TCF15: variants seen among roughly 807,000 people sequenced by gnomAD.
TCF15 encodes the protein TCF-15.
Under a neutral mutation model 11.1 loss-of-function variants are expected in TCF15, and 7 were observed. The observed-to-expected ratio is 0.63, with a 90% CI of 0.36 to 1.19. The LOEUF is 1.19. TCF15 is among the 50% of genes most tolerant of loss of function. The pLI is 0.02. For synonymous variants in TCF15, 144 were observed against 138.9 expected (o/e 1.04, Z -0.26); for missense variants, 288 against 289.4 (o/e 1.00, Z 0.03).
chr20:609,047 G>T lies in TCF15; in HGVS notation c.525+666C>A, dbSNP rs45601331. 6.6e-6 allele frequency among the ~76,000 whole-genome samples: 1 copy of T among 152,058 alleles called. No homozygotes were observed. The highest frequency in any genetic ancestry group is 1.5e-5 in the Non-Finnish European group (1 of 68,006). ...CCCTCTCCCAACACCACGTCCTTTTGGGGGCTGGGGACTCTCAGAGGGCCC... is the reference window on the plus strand; with the variant it reads ...CCCTCTCCCAACACCACGTCCTTTTTGGGGCTGGGGACTCTCAGAGGGCCC... On this transcript the variant is annotated intron_variant, in intron 1 of 1. Transcript: ENST00000246080. This position sits in a 1 kb window ranked among gnomAD's most constrained non-coding sequence, Gnocchi z 4.7.
At position 609,568 on chromosome 20, in the gene TCF15, G is replaced by A. The variant is rs2020004246; in HGVS notation, c.525+145C>T. The A allele has an allele frequency of 4.1e-6, 4 of 982,880 alleles. No homozygotes were observed. Among genetic ancestry groups the A allele is most frequent in the Non-Finnish European group, 5.3e-6 (4 of 750,662 alleles). The allele number at this position is 982,880 out of a possible 1,614,324, so 60.9% of individuals were successfully genotyped here. Reference sequence around the variant, plus strand: ...CTGGGCATTAAGTCAGTGGTTCTGGGCTTGGGGTGCCGCACCCAGCACGAA... The same window carrying A: ...CTGGGCATTAAGTCAGTGGTTCTGGACTTGGGGTGCCGCACCCAGCACGAA... On this transcript the variant is annotated intron_variant, in intron 1 of 1. Coordinates refer to ENST00000246080, the MANE Select transcript of TCF15 (RefSeq NM_004609.4). The surrounding 1 kb of genome is among the most constrained non-coding windows in gnomAD (Gnocchi z 4.7).
Position 609,627 on chromosome 20 carries a change from C to T in TCF15, c.525+86G>A. On this transcript the variant is annotated intron_variant, in intron 1 of 1. Coordinates refer to ENST00000246080, the MANE Select transcript of TCF15 (RefSeq NM_004609.4). This position sits in a 1 kb window ranked among gnomAD's most constrained non-coding sequence, Gnocchi z 4.7. ...CGCTTCCCCCTGGCCTCGTTGGGGA[C>T]CCCTGCACCTCTCCGGTTCCCGCAG... is the stretch of plus-strand genomic sequence containing the variant. 8.5e-6 allele frequency: 11 copies of T among 1,300,318 alleles called. No homozygotes were observed. The highest frequency in any genetic ancestry group is 9.7e-6 in the Non-Finnish European group (10 of 1,029,880). The allele number at this position is 1,300,318 out of a possible 1,614,324, so 80.5% of individuals were successfully genotyped here. A position where few individuals can be genotyped will look rare whatever the true frequency, so the allele number is the denominator to read the frequency against.
chr20:609,624 G>C lies in TCF15; in HGVS notation c.525+89C>G. On this transcript the variant is annotated intron_variant, in intron 1 of 1. Transcript: ENST00000246080. The surrounding 1 kb of genome is among the most constrained non-coding windows in gnomAD (Gnocchi z 4.7). ...CGTCGCTTCCCCCTGGCCTCGTTGG[G>C]GACCCCTGCACCTCTCCGGTTCCCG... is the stretch of plus-strand genomic sequence containing the variant. The C allele has an allele frequency of 7.8e-7, 1 of 1,286,396 alleles. No individual in the cohort carries two copies. The highest frequency in any genetic ancestry group is 2.5e-5 in the South Asian group (1 of 39,246). 79.7% of individuals were successfully genotyped at this position (1,286,396 alleles called of 1,614,324 possible).
Position 609,859 on chromosome 20 carries a change from C to T in TCF15, c.379G>A (p.Val127Met), listed in dbSNP as rs757598734. ...ASSYIAHLAN[V>M]LLLGDSADDG... ...TCGGCCGAGTCGCCCAGCAGCAGCA[C>T]GTTGGCCAGGTGCGCGATGTAGCTG... Residue 127 changes from valine (V) to methionine (M), a missense_variant, in exon 1 of 2, where the codon GTG (valine) becomes ATG (methionine). Val to Met is a conservative substitution (Grantham distance 21, BLOSUM62 1). Coordinates refer to ENST00000246080, the MANE Select transcript of TCF15 (RefSeq NM_004609.4). This position sits in a 1 kb window ranked among gnomAD's most constrained non-coding sequence, Gnocchi z 4.7. The T allele has an allele frequency of 9.8e-6, 15 of 1,528,906 alleles. No homozygotes were observed. In the South Asian group the frequency reaches 1.3e-4, roughly 14 times the overall value. 94.7% of individuals were successfully genotyped at this position (1,528,906 alleles called of 1,614,324 possible).
rs1237250449 is a variant in TCF15, at chr20:609,167, G to C, written c.525+546C>G. Among the ~76,000 whole-genome samples, 1 of 152,152 alleles carries C rather than the reference G, an allele frequency of 6.6e-6. No individual in the cohort carries two copies. The highest frequency in any genetic ancestry group is 1.5e-5 in the Non-Finnish European group (1 of 68,034). ...TTCTCAGTCTCCTGCTCTTGGGTTA[G>C]ATCTTAGGACAGGGGACAATTATTT... On this transcript the variant is annotated intron_variant, in intron 1 of 1. Coordinates refer to ENST00000246080, the MANE Select transcript of TCF15 (RefSeq NM_004609.4). This position sits in a 1 kb window ranked among gnomAD's most constrained non-coding sequence, Gnocchi z 4.7.
intron 1 of TCF15, among the ~76,000 whole-genome samples, chr20:606,614 C>T (rs1568616041): frequency 1.3e-5 from 2 of 152,120 alleles, no homozygotes; most frequent in Admixed American, 6.5e-5. Flanking sequence ...GCCAGGAGTT[C>T]GAGACCAGCC....
intron 1 of TCF15, among the ~76,000 whole-genome samples, chr20:607,072 G>A (rs2019981881): frequency 1.3e-5 from 2 of 152,274 alleles, no homozygotes; most frequent in African/African-American, 4.8e-5. Context: ...GTAAAGCCTT[G>A]GCACAGTGTT....
rs895290336 is a variant in TCF15, at chr20:605,884, G to A, written c.526-1219C>T. Among the ~76,000 whole-genome samples, 3 of 152,260 alleles carry A rather than the reference G, an allele frequency of 2.0e-5. No homozygotes were observed. In the East Asian group the frequency reaches 5.8e-4, roughly 29 times the overall value. ...ACCCAGCCAGTTGTAAAAGAGCTGG[G>A]CTAGAAATCTATGTTGTCCAACAAT... On this transcript the variant is annotated intron_variant, in intron 1 of 1. Transcript: ENST00000246080.
chr20:606,592 G>A (rs960788815), intron 1 of TCF15, among the ~76,000 whole-genome samples: 5 of 152,118 alleles, frequency 3.3e-5, no homozygotes, highest in African/African-American at 7.2e-5. Context: ...CGAGGCAGGC[G>A]GATCACCTGA....
intron 1 of TCF15, among the ~76,000 whole-genome samples, chr20:605,328 C>T (rs933818823): frequency 1.5e-4 from 23 of 152,246 alleles, no homozygotes; most frequent in African/African-American, 5.5e-4. Flanking sequence ...CTCACTCGTC[C>T]ACCTTTAAAA....
chr20:609,917 CT>C lies in TCF15; in HGVS notation c.320del (p.Lys107SerfsTer80). On this transcript the variant is annotated frameshift_variant, in exon 1 of 2. Transcript: ENST00000246080. LOFTEE classifies it high-confidence loss of function. This position sits in a 1 kb window ranked among gnomAD's most constrained non-coding sequence, Gnocchi z 4.7. ...TLIPTEPVDR[K>X]LSKIETVRLA... Reference sequence around the variant, plus strand: ...GGCGCACGGTCTCGATCTTGGACAGCTTGCGGTCCACCGGCTCGGTGGGGAT... The same window carrying C: ...GGCGCACGGTCTCGATCTTGGACAGCTGCGGTCCACCGGCTCGGTGGGGAT... The C allele has an allele frequency of 6.6e-7, 1 of 1,523,738 alleles. No homozygotes were observed. Among genetic ancestry groups the C allele is most frequent in the Non-Finnish European group, 8.7e-7 (1 of 1,145,386 alleles). The allele number at this position is 1,523,738 out of a possible 1,614,324, so 94.4% of individuals were successfully genotyped here. A position where few individuals can be genotyped will look rare whatever the true frequency, so the allele number is the denominator to read the frequency against.
rs767264411 is a variant in TCF15 at position 609,720 on chromosome 20, C to T, written c.518G>A (p.Arg173His). ...GGGACGCAGCACACTCACCCCCTTG[C>T]GCTGGTTGCTGAGGCAGAAGGTGCA... ...SICTFCLSNQ[R>H]KGGGRRDLGG... Residue 173 changes from arginine to histidine, a missense_variant, in exon 1 of 2, where the codon CGC becomes CAC. Transcript: ENST00000246080. The surrounding 1 kb of genome is among the most constrained non-coding windows in gnomAD (Gnocchi z 4.7). The T allele has an allele frequency of 1.4e-6, 2 of 1,384,492 alleles. No individual in the cohort carries two copies. Among genetic ancestry groups the T allele is most frequent in the African/African-American group, 3.1e-5 (2 of 65,568 alleles). 85.8% of individuals were successfully genotyped at this position (1,384,492 alleles called of 1,614,324 possible).
Position 609,031 on chromosome 20 carries a change from A to T in TCF15, c.525+682T>A, listed in dbSNP as rs1169360955. On this transcript the variant is annotated intron_variant, in intron 1 of 1. Coordinates refer to ENST00000246080, the MANE Select transcript of TCF15 (RefSeq NM_004609.4). The surrounding 1 kb of genome is among the most constrained non-coding windows in gnomAD (Gnocchi z 4.7). Reference sequence around the variant, plus strand: ...AGCTGACCCAAGAGTGCCCTCTCCCAACACCACGTCCTTTTGGGGGCTGGG... The same window carrying T: ...AGCTGACCCAAGAGTGCCCTCTCCCTACACCACGTCCTTTTGGGGGCTGGG... Among the ~76,000 whole-genome samples, 1 of 151,866 alleles carries T rather than the reference A, an allele frequency of 6.6e-6. No individual in the cohort carries two copies. Among genetic ancestry groups the T allele is most frequent in the Non-Finnish European group, 1.5e-5 (1 of 67,970 alleles).
Position 604,259 on chromosome 20 carries a change from T to C in TCF15, c.*332A>G, listed in dbSNP as rs544827610. 1.9e-3 allele frequency: 664 copies of C among 356,020 alleles called. 1 individual carries two copies. The highest frequency in any genetic ancestry group is 3.0e-3 in the Non-Finnish European group (568 of 190,096). The allele number at this position is 356,020 out of a possible 1,614,324, so 22.1% of individuals were successfully genotyped here. On this transcript the variant is annotated 3_prime_UTR_variant, in exon 2 of 2. Coordinates refer to ENST00000246080, the MANE Select transcript of TCF15 (RefSeq NM_004609.4). This position sits in a 1 kb window ranked among gnomAD's most constrained non-coding sequence, Gnocchi z 4.2. ...TCTCCTCAGCTCAGAACGACGTCTT[T>C]TATTTAAAAATAGCTTTTATTTTAA...
Position 604,698 on chromosome 20 carries a change from C to T in TCF15, c.526-33G>A, listed in dbSNP as rs1387066073. 2.0e-5 allele frequency: 30 copies of T among 1,517,646 alleles called. No homozygotes were observed. The East Asian group carries it at 2.5e-4, about 12-fold the overall frequency. 94.0% of individuals were successfully genotyped at this position (1,517,646 alleles called of 1,614,324 possible). A position where few individuals can be genotyped will look rare whatever the true frequency, so the allele number is the denominator to read the frequency against. The stretch of plus-strand genomic sequence containing the variant: ...GGGGGAGAAAGAGTATAAAGAGGTT[C>T]GATTAGGCCAGTGTGAACACTGGAA... On this transcript the variant is annotated intron_variant, in intron 1 of 1. Coordinates refer to ENST00000246080, the MANE Select transcript of TCF15 (RefSeq NM_004609.4). This position sits in a 1 kb window ranked among gnomAD's most constrained non-coding sequence, Gnocchi z 4.2.
chr20:609,671 AC>A lies in TCF15; in HGVS notation c.525+41del. 1 of 1,331,022 alleles carries A rather than the reference AC, an allele frequency of 7.5e-7. No individual in the cohort carries two copies. Among genetic ancestry groups the A allele is most frequent in the Non-Finnish European group, 9.5e-7 (1 of 1,049,060 alleles). 82.5% of individuals were successfully genotyped at this position (1,331,022 alleles called of 1,614,324 possible). ...CCCGCAGAGGCGCTGCCCCCCGCCT[AC>A]CCCGACCTGGCGGCCGCAGCGAGGG... On this transcript the variant is annotated intron_variant, in intron 1 of 1. Transcript: ENST00000246080. The surrounding 1 kb of genome is among the most constrained non-coding windows in gnomAD (Gnocchi z 4.7).
rs1187161702 is a variant in TCF15, at chr20:604,939, G to A, written c.526-274C>T. ...AGCACACACGGGAAATTGTGAGTGG[G>A]TTTCTTCAGAGAGGAATTTGATGAT... On this transcript the variant is annotated intron_variant, in intron 1 of 1. Transcript: ENST00000246080. The surrounding 1 kb of genome is among the most constrained non-coding windows in gnomAD (Gnocchi z 4.2). Among the ~76,000 whole-genome samples, 1 of 152,178 alleles carries A rather than the reference G, an allele frequency of 6.6e-6. No homozygotes were observed. The highest frequency in any genetic ancestry group is 1.9e-4 in the East Asian group (1 of 5,186).
intron 1 of TCF15, among the ~76,000 whole-genome samples, chr20:606,311 G>T (rs282162): frequency 0.63 from 96,048 of 151,690 alleles, 31,748 homozygotes; most frequent in African/African-American, 0.73. Flanking sequence ...CTTTTACTCT[G>T]TAAGTGCTCA....
chr20:608,069 C>T (rs1024365305), intron 1 of TCF15, among the ~76,000 whole-genome samples: 3 of 152,198 alleles, frequency 2.0e-5, no homozygotes, highest in African/African-American at 7.2e-5. Flanking sequence ...CCCTTTCCTA[C>T]CCCTTCATCG....
Sources: allele counts gnomAD v4.1 joint callset (sites outside exome capture counted in the v4.1 genomes callset), GRCh38; gene constraint gnomAD v4.1.1; non-coding constraint Gnocchi (gnomAD v3.1); transcripts MANE v1.5; gene names NCBI Gene and HGNC (gene_info 2026-07-23, HGNC 2026-07-21).